TSHZ3: variants seen among roughly 807,000 people sequenced by gnomAD.
TSHZ3 encodes the protein teashirt homolog 3.
Under a neutral mutation model 64.5 loss-of-function variants are expected in TSHZ3, and 10 were observed. The ratio of observed to expected loss-of-function variants is 0.16; its 90% CI spans 0.10 to 0.26. TSHZ3 has a LOEUF of 0.26. TSHZ3 is among the 10% of genes least tolerant of loss of function. The pLI is 1.00. For synonymous variants in TSHZ3, 608 were observed against 593.1 expected (o/e 1.03, Z -0.36); for missense variants, 1,242 against 1,421.7 (o/e 0.87, Z 2.03).
intron 3 of TSHZ3, among the ~76,000 whole-genome samples, chr19:31,239,566 T>C (rs1975662797): frequency 6.6e-6 from 1 of 152,204 alleles, no homozygotes; most frequent in South Asian, 2.1e-4. Context: ...GACAGGATTT[T>C]TTTTTCATTT....
rs929339535 is a variant in TSHZ3 at position 31,307,497 on chromosome 19, C to T, written c.41-27745G>A. Among the ~76,000 whole-genome samples, 9 of 151,718 alleles carry T rather than the reference C, an allele frequency of 5.9e-5. No homozygotes were observed. The East Asian group carries it at 7.7e-4, about 13-fold the overall frequency. On this transcript the variant is annotated intron_variant, in intron 1 of 1. Coordinates refer to ENST00000240587, the MANE Select transcript of TSHZ3 (RefSeq NM_020856.4). Reference sequence around the variant, plus strand: ...CCACCTCCTCCACCTGAGCAGCACGCGGCACGGGGCTGGTGTTCCATTAGG... The same window carrying T: ...CCACCTCCTCCACCTGAGCAGCACGTGGCACGGGGCTGGTGTTCCATTAGG...
At chr19:31,180,544 A>G (rs188445609) in intron 5 of TSHZ3, among the ~76,000 whole-genome samples, 2 of 152,352 alleles carry the variant, frequency 1.3e-5, no homozygotes, top group Admixed American at 6.5e-5. Flanking sequence ...AATGCTGCAC[A>G]TGGAAACTCA....
At chr19:31,296,645 T>A (rs3921716) in intron 1 of TSHZ3, among the ~76,000 whole-genome samples, 81,963 of 152,062 alleles carry the variant, frequency 0.54, 23,437 homozygotes, top group African/African-American at 0.74. Flanking sequence ...TAGTACTGTG[T>A]CATTTTGAAA....
At chr19:31,311,289 C>T (rs2145154420) in intron 1 of TSHZ3, among the ~76,000 whole-genome samples, 1 of 152,328 alleles carries the variant, frequency 6.6e-6, no homozygotes, top group East Asian at 1.9e-4. Flanking sequence ...ATTTATTCAT[C>T]AGCACTTCCC....
intron 4 of TSHZ3, among the ~76,000 whole-genome samples, chr19:31,225,517 T>C (rs1190375767): frequency 6.6e-6 from 1 of 152,330 alleles, no homozygotes; most frequent in East Asian, 1.9e-4. Flanking sequence ...CATACAGCCT[T>C]GTCCTGCACT....
intron 1 of TSHZ3, among the ~76,000 whole-genome samples, chr19:31,304,698 G>A (rs1344817690): frequency 2.6e-5 from 4 of 152,080 alleles, no homozygotes; most frequent in Admixed American, 1.3e-4. Context: ...CTTAAATATT[G>A]CTGCAGAGCA....
At chr19:31,325,873 T>C (rs3816963) in intron 1 of TSHZ3, among the ~76,000 whole-genome samples, 35,696 of 152,110 alleles carry the variant, frequency 0.23, 4,791 homozygotes, top group East Asian at 0.41. Flanking sequence ...TATGGTAGGA[T>C]ATAGCAGCTG....
chr19:31,203,738 T>C (rs1017838951), intron 5 of TSHZ3, among the ~76,000 whole-genome samples: 1 of 152,046 alleles, frequency 6.6e-6, no homozygotes, highest in Non-Finnish European at 1.5e-5. Context: ...AGGCTTTAGG[T>C]ACATCTTCCT....
intron 5 of TSHZ3, among the ~76,000 whole-genome samples, chr19:31,200,637 A>G: frequency 6.6e-6 from 1 of 152,204 alleles, no homozygotes; most frequent in Admixed American, 6.5e-5. Flanking sequence ...ATTCTGCACA[A>G]TACTACGATG....
intron 1 of TSHZ3, among the ~76,000 whole-genome samples, chr19:31,286,334 A>G (rs1472121291): frequency 6.6e-6 from 1 of 152,260 alleles, no homozygotes; most frequent in African/African-American, 2.4e-5. Flanking sequence ...AGCTTTCTGC[A>G]AAGTTCTATA....
intron 4 of TSHZ3, among the ~76,000 whole-genome samples, chr19:31,209,573 T>C (rs533511896): frequency 1.3e-5 from 2 of 152,300 alleles, no homozygotes; most frequent in East Asian, 3.9e-4. Context: ...AGCCAGGCAC[T>C]GAGAAGGTGT....
At chr19:31,331,045 C>T (rs990426547) in intron 1 of TSHZ3, among the ~76,000 whole-genome samples, 11 of 152,182 alleles carry the variant, frequency 7.2e-5, no homozygotes, top group Admixed American at 4.6e-4. Flanking sequence ...AGCTGCCCAA[C>T]CCAACGGCAG....
intron 1 of TSHZ3, among the ~76,000 whole-genome samples, chr19:31,306,252 G>A (rs958904252): frequency 1.6e-4 from 25 of 152,174 alleles, no homozygotes; most frequent in South Asian, 2.1e-4. Context: ...GCTGGGCTGC[G>A]AGCTTCCTTC....
At chr19:31,253,439 A>AACTGTGTG (rs1462605200) in intron 1 of TSHZ3, among the ~76,000 whole-genome samples, 1 of 152,156 alleles carries the variant, frequency 6.6e-6, no homozygotes, top group Non-Finnish European at 1.5e-5. Flanking sequence ...GTTGCATCTC[A>AACTGTGTG]ACTGTGTGCC....
intron 1 of TSHZ3, among the ~76,000 whole-genome samples, chr19:31,285,983 A>C (rs1185730060): frequency 1.3e-5 from 2 of 152,050 alleles, no homozygotes; most frequent in East Asian, 1.9e-4. Flanking sequence ...AAAGATGCAA[A>C]GAAGCACACA....
chr19:31,192,181 G>T (rs1303815040), intron 5 of TSHZ3, among the ~76,000 whole-genome samples: 1 of 152,058 alleles, frequency 6.6e-6, no homozygotes, highest in South Asian at 2.1e-4. Flanking sequence ...GAAACAAGAT[G>T]AATATTAAAT....
chr19:31,313,731 G>T (rs1916523941), intron 1 of TSHZ3, among the ~76,000 whole-genome samples: 1 of 152,236 alleles, frequency 6.6e-6, no homozygotes, highest in African/African-American at 2.4e-5. Flanking sequence ...TTCAGCAAAC[G>T]AGAAGGATCC....
At chr19:31,233,048 T>C (rs1267797021) in intron 3 of TSHZ3, among the ~76,000 whole-genome samples, 3 of 152,230 alleles carry the variant, frequency 2.0e-5, no homozygotes, top group African/African-American at 7.2e-5. Context: ...AGTCTCTTTA[T>C]GGACATATGT....
intron 5 of TSHZ3, among the ~76,000 whole-genome samples, chr19:31,162,319 T>C (rs555091238): frequency 6.6e-6 from 1 of 152,316 alleles, no homozygotes; most frequent in Non-Finnish European, 1.5e-5. Flanking sequence ...TCAATACTTT[T>C]TCAGAAAGTG....
Sources: allele counts gnomAD v4.1 joint callset (sites outside exome capture counted in the v4.1 genomes callset), GRCh38; gene constraint gnomAD v4.1.1; transcripts MANE v1.5; gene names NCBI Gene and HGNC (gene_info 2026-07-23, HGNC 2026-07-21).